Variants in GABRB2 observed in about 807,000 individuals in gnomAD.
GABRB2 encodes the protein gamma-aminobutyric acid type A receptor subunit beta2, also known as gamma-aminobutyric acid receptor subunit beta-2.
Under a neutral mutation model 54.7 loss-of-function variants are expected in GABRB2, and 16 were observed. The observed-to-expected ratio is 0.29, with a 90% CI of 0.20 to 0.44. The LOEUF (loss-of-function observed/expected upper bound fraction) is 0.44. Among genes scored for constraint, GABRB2 ranks in the 20% least tolerant of loss-of-function variants. The probability of loss-of-function intolerance (pLI) is 1.00; values close to 1 mark genes in which losing one functional copy is unlikely to be tolerated. For missense variants in GABRB2, 355 were observed against 644.0 expected, an observed-to-expected ratio of 0.55 and a Z score of 4.86; for synonymous variants, 244 against 233.8, an observed-to-expected ratio of 1.04 and a Z score of -0.40.
intron 3 of GABRB2, among the ~76,000 whole-genome samples, chr5:161,509,760 C>T (rs998050713): frequency 3.5e-4 from 53 of 151,818 alleles, no homozygotes; most frequent in Non-Finnish European, 4.9e-4. Flanking sequence ...AGCTTTATTG[C>T]GTGAATAGGA....
chr5:161,494,046 C>G (rs1759156039), intron 3 of GABRB2, among the ~76,000 whole-genome samples: 1 of 151,262 alleles, frequency 6.6e-6, no homozygotes, highest in Non-Finnish European at 1.5e-5. Context: ...AATTAAAAAC[C>G]AAAATTTAAA....
intron 5 of GABRB2, among the ~76,000 whole-genome samples, chr5:161,401,208 C>G (rs2113080167): frequency 6.6e-6 from 1 of 152,224 alleles, no homozygotes; most frequent in African/African-American, 2.4e-5. Context: ...GGAATGAACC[C>G]AGAAGGTGGG....
At chr5:161,499,422 T>G (rs1450811875) in intron 3 of GABRB2, among the ~76,000 whole-genome samples, 1 of 152,090 alleles carries the variant, frequency 6.6e-6, no homozygotes, top group African/African-American at 2.4e-5. Context: ...ACTAGCTAAC[T>G]TCCATAGGCC....
chr5:161,530,691 T>C (rs1046782977), intron 3 of GABRB2, among the ~76,000 whole-genome samples: 1 of 152,172 alleles, frequency 6.6e-6, no homozygotes, highest in Non-Finnish European at 1.5e-5. Context: ...TGGTCTATAA[T>C]TCTACAGCTC....
chr5:161,516,128 T>A (rs1021329013), intron 3 of GABRB2, among the ~76,000 whole-genome samples: 2 of 152,208 alleles, frequency 1.3e-5, no homozygotes, highest in African/African-American at 2.4e-5. Context: ...AAATGCAAAA[T>A]AGTACCTACT....
chr5:161,519,400 T>C (rs986224820), intron 3 of GABRB2, among the ~76,000 whole-genome samples: 1 of 152,158 alleles, frequency 6.6e-6, no homozygotes, highest in Non-Finnish European at 1.5e-5. Flanking sequence ...TACACACCCA[T>C]GACTTTACGA....
intron 5 of GABRB2, among the ~76,000 whole-genome samples, chr5:161,365,161 A>G (rs1320853386): frequency 6.6e-6 from 1 of 152,184 alleles, no homozygotes; most frequent in African/African-American, 2.4e-5. Flanking sequence ...ATGATTCTTT[A>G]GCCTAGGTTT....
chr5:161,346,053 C>T (rs1019121926), intron 5 of GABRB2, among the ~76,000 whole-genome samples: 16 of 152,066 alleles, frequency 1.1e-4, no homozygotes, highest in African/African-American at 3.4e-4. Flanking sequence ...GGAATATCCA[C>T]GCACTTGTGT....
chr5:161,537,343 G>T (rs986449179), intron 3 of GABRB2, among the ~76,000 whole-genome samples: 2 of 151,938 alleles, frequency 1.3e-5, no homozygotes, highest in African/African-American at 4.8e-5. Context: ...TTCCTAATTT[G>T]TACACCTATA....
At chr5:161,428,287 A>ATGTGTG (rs1561646509) in intron 4 of GABRB2, among the ~76,000 whole-genome samples, 1,709 of 129,016 alleles carry the variant, frequency 0.013, 38 homozygotes, top group African/African-American at 0.049. Flanking sequence ...TCAGAGAGTT[A>ATGTGTG]CGTGTGTGTG....
intron 4 of GABRB2, among the ~76,000 whole-genome samples, chr5:161,427,042 T>G (rs1757020805): frequency 6.6e-6 from 1 of 152,178 alleles, no homozygotes; most frequent in Admixed American, 6.6e-5. Context: ...GGTCTCTGAC[T>G]TTTTCCTATC....
intron 3 of GABRB2, among the ~76,000 whole-genome samples, chr5:161,483,187 C>T (rs139546224): frequency 1.6e-3 from 246 of 152,066 alleles, no homozygotes; most frequent in Non-Finnish European, 2.6e-3. Context: ...CACCTTGAGA[C>T]GTGATAACAT....
At chr5:161,463,884 A>G (rs1034374664) in intron 3 of GABRB2, among the ~76,000 whole-genome samples, 1 of 151,776 alleles carries the variant, frequency 6.6e-6, no homozygotes, top group Non-Finnish European at 1.5e-5. Context: ...TCCATATACA[A>G]GTAGATAAAT....
At chr5:161,326,248 C>T in intron 9 of GABRB2, 120 bp downstream of exon 9, 1 of 1,379,554 alleles carries the variant, frequency 7.2e-7, no homozygotes, top group Non-Finnish European at 9.8e-7. Flanking sequence ...ATCCCCAAGA[C>T]TCTGTGGATA....
chr5:161,492,049 T>C (rs1160517905), intron 3 of GABRB2, among the ~76,000 whole-genome samples: 1 of 151,580 alleles, frequency 6.6e-6, no homozygotes, highest in Admixed American at 6.6e-5. Context: ...GAAAAAAAAG[T>C]ATAGTAGGTT....
intron 5 of GABRB2, among the ~76,000 whole-genome samples, chr5:161,375,299 G>A (rs536609279): frequency 5.9e-5 from 9 of 152,280 alleles, no homozygotes; most frequent in South Asian, 2.1e-4. Flanking sequence ...AGTGAGTGTC[G>A]CTTAAATATA....
At chr5:161,310,256 C>A (rs1757821367) in intron 9 of GABRB2, among the ~76,000 whole-genome samples, 1 of 152,038 alleles carries the variant, frequency 6.6e-6, no homozygotes, top group South Asian at 2.1e-4. Context: ...ACAACAAACC[C>A]CCATGACACA....
At chr5:161,379,205 A>T (rs1755393176) in intron 5 of GABRB2, among the ~76,000 whole-genome samples, 1 of 152,218 alleles carries the variant, frequency 6.6e-6, no homozygotes, top group South Asian at 2.1e-4. Context: ...TTTAAAACAT[A>T]AACTCATTGT....
At position 161,368,442 on chromosome 5, in the gene GABRB2, T is replaced by C. The variant is rs145844056; in HGVS notation, c.542-31673A>G. 2.3e-3 allele frequency among the ~76,000 whole-genome samples: 352 copies of C among 152,288 alleles called. 1 individual carries two copies. The highest frequency in any genetic ancestry group is 3.9e-3 in the Admixed American group (60 of 15,286). ...TGCCCAAAGCTGTATGATGCCCTTA[T>C]CTTCAAACAATTGTTTCTCAAATCC... On this transcript the variant is annotated intron_variant, in intron 5 of 9. Transcript: ENST00000393959.
Sources: allele counts gnomAD v4.1 joint callset (sites outside exome capture counted in the v4.1 genomes callset), GRCh38; gene constraint gnomAD v4.1.1; transcripts MANE v1.5; gene names NCBI Gene and HGNC (gene_info 2026-07-23, HGNC 2026-07-21).